XKR4: variants seen among roughly 807,000 people sequenced by gnomAD.
The protein encoded by XKR4 is XK related 4.
Under a neutral mutation model 53.9 loss-of-function variants are expected in XKR4, and 12 were observed. The observed-to-expected ratio is 0.22, with a 90% confidence interval of 0.14 to 0.36. The LOEUF is 0.36. Ranked by LOEUF, XKR4 falls within the 10% of genes least tolerant of loss-of-function variation. The probability of loss-of-function intolerance (pLI) is 1.00; values close to 1 mark genes in which losing one functional copy is unlikely to be tolerated. For synonymous variants in XKR4, 354 were observed against 362.4 expected, an observed-to-expected ratio of 0.98 and a Z score of 0.26; for missense variants, 799 against 859.5, an observed-to-expected ratio of 0.93 and a Z score of 0.88.
chr8:55,346,685 A>ATATGTGTGTG lies in XKR4; in HGVS notation c.807-10992_807-10991insATGTGTGTGT, dbSNP rs1554519559. 4.4e-4 allele frequency among the ~76,000 whole-genome samples: 61 copies of ATATGTGTGTG among 138,396 alleles called. 3 individuals carry two copies. Among genetic ancestry groups the ATATGTGTGTG allele is most frequent in the African/African-American group, 1.7e-3 (61 of 36,436 alleles). 90.8% of individuals were successfully genotyped at this position (138,396 alleles called of 152,430 possible). On this transcript the variant is annotated intron_variant, in intron 1 of 2. Coordinates refer to ENST00000327381, the MANE Select transcript of XKR4 (RefSeq NM_052898.2). ...ACAAAAACAGAAACCTGTTGAGGTT[A>ATATGTGTGTG]TGTGTGTGTGTGTGTGTGTGTGTGT... is the stretch of plus-strand genomic sequence containing the variant.
intron 2 of XKR4, among the ~76,000 whole-genome samples, chr8:55,431,955 C>A (rs1295113595): frequency 6.6e-6 from 1 of 152,174 alleles, no homozygotes; most frequent in Admixed American, 6.5e-5. Context: ...CGGGTTATAG[C>A]ATTTAGCTCT....
chr8:55,278,883 CTT>C (rs748788009), intron 1 of XKR4, among the ~76,000 whole-genome samples: 1 of 152,104 alleles, frequency 6.6e-6, no homozygotes, highest in Non-Finnish European at 1.5e-5. Context: ...GTGGGCAACT[CTT>C]GAGATACTAT....
intron 2 of XKR4, chr8:55,454,113 G>T: frequency 1.2e-6 from 1 of 831,470 alleles, no homozygotes; most frequent in South Asian, 1.3e-5. Flanking sequence ...GTCATGGGTG[G>T]AGGGAAGGCG....
chr8:55,256,353 C>T (rs772920964), intron 1 of XKR4, among the ~76,000 whole-genome samples: 10 of 152,160 alleles, frequency 6.6e-5, no homozygotes, highest in Non-Finnish European at 1.3e-4. Context: ...TATGAATCCC[C>T]TTGGTGGCTG....
intron 1 of XKR4, among the ~76,000 whole-genome samples, chr8:55,145,148 T>C (rs184343670): frequency 2.7e-4 from 41 of 152,222 alleles, no homozygotes; most frequent in African/African-American, 9.4e-4. Flanking sequence ...CACTATTTTT[T>C]ATTCTCCCCA....
chr8:55,388,617 G>A (rs575287085), intron 2 of XKR4, among the ~76,000 whole-genome samples: 2 of 152,256 alleles, frequency 1.3e-5, no homozygotes, highest in South Asian at 2.1e-4. Flanking sequence ...TTGTATAAGG[G>A]CACTCATCTC....
intron 2 of XKR4, among the ~76,000 whole-genome samples, chr8:55,469,197 A>G (rs1346670678): frequency 6.6e-6 from 1 of 152,096 alleles, no homozygotes; most frequent in Non-Finnish European, 1.5e-5. Context: ...CTCAATGTTG[A>G]AAATTCTTTA....
chr8:55,322,848 A>C (rs528727445), intron 1 of XKR4, among the ~76,000 whole-genome samples: 2 of 152,186 alleles, frequency 1.3e-5, no homozygotes, highest in African/African-American at 4.8e-5. Flanking sequence ...ATCTTTCAAA[A>C]ATGGCAACTC....
chr8:55,457,789 A>C (rs1805592054), intron 2 of XKR4, among the ~76,000 whole-genome samples: 1 of 152,254 alleles, frequency 6.6e-6, no homozygotes, highest in Non-Finnish European at 1.5e-5. Flanking sequence ...TTATTGTTAA[A>C]GTTTTACATA....
intron 1 of XKR4, among the ~76,000 whole-genome samples, chr8:55,194,560 C>G (rs574293500): frequency 6.6e-6 from 1 of 152,152 alleles, no homozygotes; most frequent in African/African-American, 2.4e-5. Flanking sequence ...ATAAATATAC[C>G]GTTGGAAAAA....
In XKR4 at chr8:55,488,393, T is replaced by G. The variant is rs974212293; in HGVS notation, c.1007-34888T>G. On this transcript the variant is annotated intron_variant, in intron 2 of 2. Transcript: ENST00000327381. The stretch of plus-strand genomic sequence containing the variant: ...CCTACAAAAATGTGCACACAAATGT[T>G]TACAACAACTTTATTCATAATTGCC... Among the ~76,000 whole-genome samples the G allele has an allele frequency of 2.6e-5, 4 of 152,280 alleles. No individual in the cohort carries two copies. In the East Asian group the frequency reaches 7.7e-4, roughly 29 times the overall value.
At chr8:55,209,292 A>G (rs1294489920) in intron 1 of XKR4, among the ~76,000 whole-genome samples, 1 of 152,000 alleles carries the variant, frequency 6.6e-6, no homozygotes, top group African/African-American at 2.4e-5. Context: ...AGTGCTTTAC[A>G]CATGGGCTCC....
intron 1 of XKR4, among the ~76,000 whole-genome samples, chr8:55,302,858 C>T (rs1349439199): frequency 1.3e-5 from 2 of 152,146 alleles, no homozygotes; most frequent in Non-Finnish European, 2.9e-5. Context: ...TATCCTGAGA[C>T]TTTGCTGAAG....
At chr8:55,157,614 A>T (rs1352277379) in intron 1 of XKR4, among the ~76,000 whole-genome samples, 5 of 152,092 alleles carry the variant, frequency 3.3e-5, no homozygotes, top group African/African-American at 1.2e-4. Flanking sequence ...AGATTATTTC[A>T]TCACCCAGGT....
intron 1 of XKR4, among the ~76,000 whole-genome samples, chr8:55,335,358 A>C (rs1803444905): frequency 6.6e-6 from 1 of 152,232 alleles, no homozygotes; most frequent in African/African-American, 2.4e-5. Flanking sequence ...GTTTAAAAAA[A>C]AATCTTTATG....
At chr8:55,454,322 G>A (rs893690047) in intron 2 of XKR4, 6 of 1,494,816 alleles carry the variant, frequency 4.0e-6, no homozygotes, top group Non-Finnish European at 5.6e-6. Flanking sequence ...TATGAAGGGC[G>A]TGGGTGTGCT....
At chr8:55,163,570 G>A (rs1157344234) in intron 1 of XKR4, among the ~76,000 whole-genome samples, 1 of 152,186 alleles carries the variant, frequency 6.6e-6, no homozygotes, top group Non-Finnish European at 1.5e-5. Flanking sequence ...ATTAGAATGG[G>A]CATGGTGGCT....
At chr8:55,252,430 C>T (rs569855853) in intron 1 of XKR4, among the ~76,000 whole-genome samples, 1 of 152,250 alleles carries the variant, frequency 6.6e-6, no homozygotes, top group Non-Finnish European at 1.5e-5. Flanking sequence ...ATTTTGACTG[C>T]CTGCTCTTGG....
chr8:55,378,627 A>T (rs1804184505), intron 2 of XKR4, among the ~76,000 whole-genome samples: 1 of 152,190 alleles, frequency 6.6e-6, no homozygotes, highest in African/African-American at 2.4e-5. Context: ...AGGGCATTTT[A>T]TTCTGTTCAA....
Sources: allele counts gnomAD v4.1 joint callset (sites outside exome capture counted in the v4.1 genomes callset), GRCh38; gene constraint gnomAD v4.1.1; transcripts MANE v1.5; gene names NCBI Gene and HGNC (gene_info 2026-07-23, HGNC 2026-07-21).